TUBGCP5: variants seen among roughly 807,000 people sequenced by gnomAD.
TUBGCP5 encodes the protein tubulin gamma complex component 5, also known as gamma-tubulin complex component 5.
TUBGCP5 carries 98 observed loss-of-function variants against 134.7 expected under a neutral mutation model. The observed-to-expected ratio is 0.73, with a 90% confidence interval of 0.62 to 0.86. The LOEUF is 0.86. Ranked by LOEUF, TUBGCP5 falls within the 40% of genes least tolerant of loss-of-function variation. The probability of loss-of-function intolerance (pLI) is 0.00; values close to 1 mark genes in which losing one functional copy is unlikely to be tolerated. For synonymous variants in TUBGCP5, 456 were observed against 431.4 expected (o/e 1.06, Z -0.71); for missense variants, 1,150 against 1,244.8 (o/e 0.92, Z 1.15).
downstream of TUBGCP5, among the ~76,000 whole-genome samples, chr15:22,997,948 A>C (rs1272227758): frequency 6.6e-6 from 1 of 152,086 alleles, no homozygotes; most frequent in Non-Finnish European, 1.5e-5. Context: ...TCACTCTATA[A>C]AAAGAAAATA....
At chr15:23,034,770 T>C (rs2066486744) in intron 3 of TUBGCP5, among the ~76,000 whole-genome samples, 1 of 151,666 alleles carries the variant, frequency 6.6e-6, no homozygotes, top group Admixed American at 6.6e-5. Context: ...GAGGCTGCAG[T>C]GAGCTGAGAT....
rs1416516973 is a variant in TUBGCP5 at position 22,999,800 on chromosome 15, A to AT, written c.*19dup. The AT allele has an allele frequency of 6.2e-7, 1 of 1,611,388 alleles. No individual in the cohort carries two copies. Among genetic ancestry groups the AT allele is most frequent in the African/African-American group, 1.3e-5 (1 of 74,868 alleles). ...CATGTATGATGACAAAGTCGGAGATATTTATTACGCTGAAGACATTTAACT... is the reference window on the plus strand; with the variant it reads ...CATGTATGATGACAAAGTCGGAGATATTTTATTACGCTGAAGACATTTAACT... On this transcript the variant is annotated 3_prime_UTR_variant, in exon 23 of 23. Transcript: ENST00000615383.
intron 14 of TUBGCP5, 62 bp from the exon 15 acceptor site, chr15:23,010,195 CAAA>C: frequency 2.6e-6 from 4 of 1,518,388 alleles, no homozygotes; most frequent in Non-Finnish European, 3.6e-6. Flanking sequence ...TCTCTTAAAT[CAAA>C]ACCCTGAAGT....
chr15:23,035,321 C>T (rs1008065409), intron 3 of TUBGCP5, among the ~76,000 whole-genome samples: 5 of 109,710 alleles, frequency 4.6e-5, no homozygotes, highest in Non-Finnish European at 9.2e-5. Context: ...CAAAGTGACA[C>T]TCAGTCTTAA....
chr15:23,039,429 G>T lies in TUBGCP5; in HGVS notation c.115C>A (p.Leu39Ile), dbSNP rs765406124. 39 of 1,530,532 alleles carry T rather than the reference G, an allele frequency of 2.5e-5. No homozygotes were observed. The highest frequency in any genetic ancestry group is 3.4e-5 in the Non-Finnish European group (39 of 1,133,550). 94.8% of individuals were successfully genotyped at this position (1,530,532 alleles called of 1,614,324 possible). The change falls in exon 1 of 23, where the codon CTC becomes ATC. Residue 39 changes from leucine (L) to isoleucine (I), a missense_variant. Physicochemically the swap from Leu to Ile is conservative, Grantham distance 5 (BLOSUM62 2). This residue lies in a region of TUBGCP5 where 453 missense variants were observed against 394.7 expected (regional missense o/e 1.15). Coordinates refer to ENST00000615383, the MANE Select transcript of TUBGCP5 (RefSeq NM_052903.6). ...TTGGACCAGGCGAAGTTTAGGGCGA[G>T]CTGGAAGTTGGGGTCTGCCTCGTCC... ...LQDEADPNFQLALNFAWSNFR... is the reference protein window; with the variant it reads ...LQDEADPNFQIALNFAWSNFR...
Position 23,024,062 on chromosome 15 carries a change from C to T in TUBGCP5, c.1053G>A (p.Lys351=), listed in dbSNP as rs760789963. Residue 351 remains lysine (K), a synonymous_variant, in exon 10 of 23, where the codon AAG becomes AAA. Coordinates refer to ENST00000615383, the MANE Select transcript of TUBGCP5 (RefSeq NM_052903.6). ...SMLPGSGSVP[K]KSTEAPFRTY... is the part of the protein sequence containing the mutation. ...TTCTAAAGGGAGCTTCAGTTGACTT[C>T]TTAGGAACAGACCCACTTCCAGGCA... 5 of 1,614,048 alleles carry T rather than the reference C, an allele frequency of 3.1e-6. No individual in the cohort carries two copies. The Admixed American group carries it at 5.0e-5, about 16-fold the overall frequency.
intron 4 of TUBGCP5, 34 bp downstream of exon 4, chr15:23,032,694 T>C: frequency 7.1e-7 from 1 of 1,412,390 alleles, no homozygotes; most frequent in South Asian, 1.4e-5. Flanking sequence ...ATTTCTCTTT[T>C]ACTTCTCATA....
At chr15:23,003,632 GTTTTTTTT>G (rs531926227) in intron 20 of TUBGCP5, among the ~76,000 whole-genome samples, 58 of 88,686 alleles carry the variant, frequency 6.5e-4, no homozygotes, top group East Asian at 6.5e-3. Context: ...TCCTCCTTCT[GTTTTTTTT>G]TTTTTTTTTT....
At position 23,004,736 on chromosome 15, in the gene TUBGCP5, T is replaced by C. The variant is rs553680862; in HGVS notation, c.2713-509A>G. Among the ~76,000 whole-genome samples, 5 of 152,286 alleles carry C rather than the reference T, an allele frequency of 3.3e-5. No individual in the cohort carries two copies. In the South Asian group the frequency reaches 1.0e-3, roughly 32 times the overall value. ...ATTAGGGGCTTAATGAAGGCCAACC[T>C]TGTGAAGGCAGTAATGCAGTCAGGG... On this transcript the variant is annotated intron_variant, in intron 19 of 22. Transcript: ENST00000615383.
At chr15:23,005,726 G>A in intron 18 of TUBGCP5, 116 bp from the exon 19 acceptor site, 1 of 1,104,514 alleles carries the variant, frequency 9.1e-7, no homozygotes. Context: ...AGAAAGCACT[G>A]GCAGGGGTGG....
chr15:23,015,671 G>A (rs74320629), intron 13 of TUBGCP5, among the ~76,000 whole-genome samples: 6,975 of 152,090 alleles, frequency 0.046, 415 homozygotes, highest in African/African-American at 0.14. Flanking sequence ...ATAGGCGTGA[G>A]CCACCACGCC....
chr15:23,003,531 C>T lies in TUBGCP5; in HGVS notation c.2839-378G>A, dbSNP rs191342518. 1.8e-3 allele frequency among the ~76,000 whole-genome samples: 266 copies of T among 151,970 alleles called. 1 individual carries two copies. Among genetic ancestry groups the T allele is most frequent in the African/African-American group, 6.1e-3 (253 of 41,504 alleles). On this transcript the variant is annotated intron_variant, in intron 20 of 22. Coordinates refer to ENST00000615383, the MANE Select transcript of TUBGCP5 (RefSeq NM_052903.6). ...CTCCGCAACTGCAGACACAATTTTC[C>T]AAATGAATCCAAGAGTAACGCAGAG...
intron 21 of TUBGCP5, among the ~76,000 whole-genome samples, chr15:23,001,065 T>C (rs2064342652): frequency 6.6e-6 from 1 of 152,186 alleles, no homozygotes; most frequent in African/African-American, 2.4e-5. Flanking sequence ...CTTTTTGAGA[T>C]GGAGTCTTGC....
In TUBGCP5 at chr15:23,008,722, C is replaced by T; in HGVS notation, c.2304G>A (p.Gln768=). The change falls in exon 16 of 23, where the codon CAG becomes CAA. Residue 768 remains glutamine (Q), a synonymous_variant. Coordinates refer to ENST00000615383, the MANE Select transcript of TUBGCP5 (RefSeq NM_052903.6). ...ACCGTGAACTATCTTCAGGATAACG[C>T]TGTCCTACTGCTTCTTGGAGTTGGA... ...LNVQLQEAVG[Q]RYPEDSSRLS... The T allele has an allele frequency of 1.9e-6, 3 of 1,608,102 alleles. No homozygotes were observed. The highest frequency in any genetic ancestry group is 1.1e-5 in the South Asian group (1 of 89,284).
intron 22 of TUBGCP5, 162 bp downstream of exon 22, chr15:23,000,407 T>C (rs1595812430): frequency 7.1e-7 from 1 of 1,408,516 alleles, no homozygotes; most frequent in Non-Finnish European, 9.2e-7. Context: ...ACCGTAATGC[T>C]TAAAAAGCAA....
intron 11 of TUBGCP5, among the ~76,000 whole-genome samples, chr15:23,021,543 A>G (rs2065695906): frequency 6.6e-6 from 1 of 152,122 alleles, no homozygotes; most frequent in Non-Finnish European, 1.5e-5. Context: ...AATCTCCAGA[A>G]CTTTTTCATG....
chr15:23,024,902 A>ATTT (rs372317024), intron 8 of TUBGCP5, 72 bp from the exon 9 acceptor site: 32 of 717,238 alleles, frequency 4.5e-5, no homozygotes, highest in Admixed American at 6.0e-5. Flanking sequence ...TGCCCAGGAC[A>ATTT]TTTTTTTTTT....
At chr15:23,009,203 GTCTTC>G (rs912862136) in intron 15 of TUBGCP5, among the ~76,000 whole-genome samples, 19 of 151,254 alleles carry the variant, frequency 1.3e-4, no homozygotes, top group African/African-American at 4.4e-4. Flanking sequence ...TTTCTTTCCT[GTCTTC>G]TCTTCTATGT....
chr15:23,025,517 T>C (rs987204637), intron 8 of TUBGCP5, among the ~76,000 whole-genome samples: 14 of 152,288 alleles, frequency 9.2e-5, no homozygotes, highest in South Asian at 4.1e-4. Flanking sequence ...CAGGCCCTCA[T>C]TGATATACTC....
Sources: gnomAD v4.1 joint callset for allele counts (sites outside exome capture counted in the v4.1 genomes callset) on GRCh38, gnomAD v4.1.1 for gene constraint, gnomAD v4.1.1 regional missense constraint, MANE v1.5 for transcripts, NCBI Gene and HGNC (gene_info 2026-07-23, HGNC 2026-07-21) for gene names.